BORCS5: variants seen among roughly 807,000 people sequenced by gnomAD.
BORCS5 encodes the protein BLOC-1-related complex subunit 5.
Under a neutral mutation model 22.1 loss-of-function variants are expected in BORCS5, and 17 were observed. That is an observed-to-expected ratio of 0.77 (90% CI 0.53 to 1.15). The LOEUF is 1.15. Ranked by LOEUF, BORCS5 falls within the 50% of genes most tolerant of loss-of-function variation. BORCS5 has a pLI of 0.00. For missense variants in BORCS5, 247 were observed against 253.2 expected (o/e 0.98, Z 0.17); for synonymous variants, 117 against 99.8 (o/e 1.17, Z -1.03).
At chr12:12,360,060 C>T (rs950668946) in intron 1 of BORCS5, among the ~76,000 whole-genome samples, 14 of 152,056 alleles carry the variant, frequency 9.2e-5, no homozygotes, top group Non-Finnish European at 1.6e-4. Context: ...GAAGTTCATT[C>T]ATGTTATATA....
At chr12:12,391,995 A>G in intron 2 of BORCS5, among the ~76,000 whole-genome samples, 1 of 141,590 alleles carries the variant, frequency 7.1e-6, no homozygotes, top group Non-Finnish European at 1.5e-5. Flanking sequence ...GCAGTGAGCC[A>G]AGATTGCACC....
At position 12,438,360 on chromosome 12, in the gene BORCS5, CAAAAA is replaced by C. The variant is rs57737663; in HGVS notation, c.360+2591_360+2595del. ...AGGGCGACAGAGCCAGATTTCATCT[CAAAAA>C]AAAAAAAAAAAAAAACGAAAAACAA... On this transcript the variant is annotated intron_variant, in intron 3 of 3. Coordinates refer to ENST00000314565, the MANE Select transcript of BORCS5 (RefSeq NM_058169.6). Among the ~76,000 whole-genome samples the C allele has an allele frequency of 1.7e-3, 41 of 23,810 alleles. 2 individuals carry two copies. Among genetic ancestry groups the C allele is most frequent in the African/African-American group, 0.013 (37 of 2,878 alleles). 15.6% of individuals were successfully genotyped at this position (23,810 alleles called of 152,430 possible).
At chr12:12,415,123 C>T (rs1392757647) in intron 2 of BORCS5, among the ~76,000 whole-genome samples, 2,013 of 150,492 alleles carry the variant, frequency 0.013, 25 homozygotes, top group African/African-American at 0.046. Flanking sequence ...CAGGCAGAGA[C>T]GCTCCTCACT....
At chr12:12,455,118 CT>C (rs1274426708) in intron 3 of BORCS5, among the ~76,000 whole-genome samples, 3 of 152,200 alleles carry the variant, frequency 2.0e-5, no homozygotes, top group Non-Finnish European at 4.4e-5. Flanking sequence ...CATTTAGCCT[CT>C]TTAGCTACAA....
intron 3 of BORCS5, among the ~76,000 whole-genome samples, chr12:12,436,102 A>G (rs1942549777): frequency 2.0e-5 from 3 of 152,200 alleles, no homozygotes; most frequent in Admixed American, 6.5e-5. Context: ...AGCTATTATT[A>G]GTGCATGTAA....
chr12:12,365,454 A>G (rs1390630684), intron 2 of BORCS5, among the ~76,000 whole-genome samples: 1 of 151,586 alleles, frequency 6.6e-6, no homozygotes, highest in East Asian at 1.9e-4. Flanking sequence ...TGCTGAGACT[A>G]CAGGCATGAG....
In BORCS5 at chr12:12,444,058, T is replaced by C. The variant is rs1478277196; in HGVS notation, c.360+8273T>C. On this transcript the variant is annotated intron_variant, in intron 3 of 3. Coordinates refer to ENST00000314565, the MANE Select transcript of BORCS5 (RefSeq NM_058169.6). ...CACTTCCAATGAAGAGAAACAAGAA[T>C]TTTAGCAAATTGAACATTGCTGCAG... is the stretch of plus-strand genomic sequence containing the variant. 2.0e-5 allele frequency among the ~76,000 whole-genome samples: 3 copies of C among 152,214 alleles called. No homozygotes were observed. The South Asian group carries it at 6.2e-4, about 31-fold the overall frequency.
At chr12:12,373,037 A>G (rs1863565266) in intron 2 of BORCS5, among the ~76,000 whole-genome samples, 1 of 152,166 alleles carries the variant, frequency 6.6e-6, no homozygotes, top group Non-Finnish European at 1.5e-5. Flanking sequence ...TTGAAATTGT[A>G]ATCCCCAATA....
chr12:12,382,900 T>C (rs999068393), intron 2 of BORCS5, among the ~76,000 whole-genome samples: 22 of 151,352 alleles, frequency 1.5e-4, no homozygotes, highest in African/African-American at 4.1e-4. Flanking sequence ...GTGTGTCTTT[T>C]GTAAATAGCA....
chr12:12,441,348 T>C (rs1453315073), intron 3 of BORCS5, among the ~76,000 whole-genome samples: 1 of 152,176 alleles, frequency 6.6e-6, no homozygotes, highest in Non-Finnish European at 1.5e-5. Flanking sequence ...ACTGCCAAGG[T>C]TCAATCCTGG....
chr12:12,368,339 T>C (rs1054547406), intron 2 of BORCS5, among the ~76,000 whole-genome samples: 2 of 151,996 alleles, frequency 1.3e-5, no homozygotes, highest in Admixed American at 6.6e-5. Flanking sequence ...GCATTTTGCC[T>C]AGTGCTCTTT....
chr12:12,390,633 T>TG (rs1229464722), intron 2 of BORCS5, among the ~76,000 whole-genome samples: 9 of 150,976 alleles, frequency 6.0e-5, no homozygotes, highest in Non-Finnish European at 1.2e-4. Flanking sequence ...TTTTTTTTTT[T>TG]GACCTTATCT....
intron 2 of BORCS5, among the ~76,000 whole-genome samples, chr12:12,415,049 C>G (rs1412152478): frequency 5.5e-5 from 8 of 146,738 alleles, no homozygotes; most frequent in Admixed American, 3.4e-4. Context: ...GGCGGAGACG[C>G]TCCTCACTTT....
At chr12:12,449,903 A>G (rs897491068) in intron 3 of BORCS5, among the ~76,000 whole-genome samples, 1 of 152,204 alleles carries the variant, frequency 6.6e-6, no homozygotes, top group Non-Finnish European at 1.5e-5. Flanking sequence ...CTCACTGCAG[A>G]TCCAGGCTCA....
rs1274265043 is a variant in BORCS5, at chr12:12,469,377, G to A, written c.*3601G>A. Reference sequence around the variant, plus strand: ...GTTTAGAAATGAGTTTAGTCTGGGAGAATCTGCTTTTTGAGTAAAAAAGTT... The same window carrying A: ...GTTTAGAAATGAGTTTAGTCTGGGAAAATCTGCTTTTTGAGTAAAAAAGTT... On this transcript the variant is annotated 3_prime_UTR_variant, in exon 4 of 4. Coordinates refer to ENST00000314565, the MANE Select transcript of BORCS5 (RefSeq NM_058169.6). 2 of 152,226 alleles carry A rather than the reference G, an allele frequency of 1.3e-5. No homozygotes were observed. Among genetic ancestry groups the A allele is most frequent in the Non-Finnish European group, 2.9e-5 (2 of 68,048 alleles). 9.4% of individuals were successfully genotyped at this position (152,226 alleles called of 1,614,324 possible). A position where few individuals can be genotyped will look rare whatever the true frequency, so the allele number is the denominator to read the frequency against.
chr12:12,443,512 G>T (rs188255762), intron 3 of BORCS5, among the ~76,000 whole-genome samples: 3 of 152,284 alleles, frequency 2.0e-5, no homozygotes, highest in African/African-American at 7.2e-5. Flanking sequence ...CTTCTGGTTC[G>T]GCGGACTGTA....
intron 2 of BORCS5, among the ~76,000 whole-genome samples, chr12:12,412,580 CTTCT>C (rs777474902): frequency 1.1e-4 from 17 of 152,130 alleles, no homozygotes; most frequent in South Asian, 2.1e-4. Flanking sequence ...CATAATTTAA[CTTCT>C]TTCTTTCTAA....
At chr12:12,402,157 T>C (rs1259816027) in intron 2 of BORCS5, among the ~76,000 whole-genome samples, 1 of 152,156 alleles carries the variant, frequency 6.6e-6, no homozygotes, top group Non-Finnish European at 1.5e-5. Flanking sequence ...TGGAGGACAT[T>C]TTGGGTATTA....
chr12:12,383,956 G>C (rs1863827120), intron 2 of BORCS5, among the ~76,000 whole-genome samples: 1 of 150,978 alleles, frequency 6.6e-6, no homozygotes, highest in Admixed American at 6.6e-5. Context: ...CTAAGGCACT[G>C]TTTTATTTTC....
Sources: gnomAD v4.1 joint callset for allele counts (sites outside exome capture counted in the v4.1 genomes callset) on GRCh38, gnomAD v4.1.1 for gene constraint, MANE v1.5 for transcripts, NCBI Gene and HGNC (gene_info 2026-07-23, HGNC 2026-07-21) for gene names.